TLN2: variants seen among roughly 807,000 people sequenced by gnomAD.
TLN2 encodes the protein talin-2.
In TLN2, 118 loss-of-function variants were observed where a neutral mutation model predicts 294.7. That is an observed-to-expected ratio of 0.40 (90% CI 0.34 to 0.47). TLN2 has a LOEUF of 0.47. Ranked by LOEUF, TLN2 falls within the 20% of genes least tolerant of loss-of-function variation. TLN2 has a pLI of 0.84. For missense variants in TLN2, 3,083 were observed against 3,282.2 expected, an observed-to-expected ratio of 0.94 and a Z score of 1.48; for synonymous variants, 1,431 against 1,304.5, an observed-to-expected ratio of 1.10 and a Z score of -2.09.
intron 1 of TLN2, among the ~76,000 whole-genome samples, chr15:62,512,573 A>G (rs1259167867): frequency 3.3e-5 from 5 of 152,218 alleles, no homozygotes; most frequent in Non-Finnish European, 7.3e-5. Context: ...GCTGAGAGAC[A>G]TGATGTGCTC....
chr15:62,481,704 A>G (rs2038100135), intron 1 of TLN2, among the ~76,000 whole-genome samples: 2 of 152,042 alleles, frequency 1.3e-5, no homozygotes, highest in Non-Finnish European at 2.9e-5. Flanking sequence ...TTGTTTTTAT[A>G]TAATGCATTT....
chr15:62,394,503 T>G (rs2032368539), intron 1 of TLN2, among the ~76,000 whole-genome samples: 1 of 152,216 alleles, frequency 6.6e-6, no homozygotes, highest in East Asian at 1.9e-4. Context: ...CCCCAGAACT[T>G]TTTAATCGTA....
At chr15:62,588,366 C>T (rs775117126) in intron 1 of TLN2, among the ~76,000 whole-genome samples, 4 of 151,580 alleles carry the variant, frequency 2.6e-5, no homozygotes, top group East Asian at 2.0e-4. Flanking sequence ...AAGGGCGCAG[C>T]GGCTCACACG....
At chr15:62,417,275 G>A (rs374638051) in intron 1 of TLN2, among the ~76,000 whole-genome samples, 116 of 152,166 alleles carry the variant, frequency 7.6e-4, no homozygotes, top group African/African-American at 2.6e-3. Context: ...TGCTTCCTTC[G>A]GCATCTTTGT....
At chr15:62,451,582 A>C (rs943096417) in intron 1 of TLN2, among the ~76,000 whole-genome samples, 1 of 152,132 alleles carries the variant, frequency 6.6e-6, no homozygotes, top group African/African-American at 2.4e-5. Flanking sequence ...GCTTAAACCC[A>C]GAGGCGGAGG....
At chr15:62,566,207 A>G (rs8028724) in intron 1 of TLN2, among the ~76,000 whole-genome samples, 36,573 of 151,854 alleles carry the variant, frequency 0.24, 4,753 homozygotes, top group East Asian at 0.53. Flanking sequence ...GGTGCGGGCA[A>G]GAGAGGCCAG....
chr15:62,755,641 A>G lies in TLN2; in HGVS notation c.4586A>G (p.Gln1529Arg), dbSNP rs1164018385. 2 of 1,614,270 alleles carry G rather than the reference A, an allele frequency of 1.2e-6. No individual in the cohort carries two copies. Among genetic ancestry groups the G allele is most frequent in the African/African-American group, 1.3e-5 (1 of 75,076 alleles). Residue 1529 changes from glutamine (Q) to arginine (R), a missense_variant, in exon 37 of 59, where the codon CAG becomes CGG. By Grantham distance (43) the Gln-to-Arg change is conservative (BLOSUM62 1). Transcript: ENST00000636159. ...CCAGTAGCCAAGAGGCACTTCGTCC[A>G]GTCAGCCAAGGAAGTCGCCAACAGC... The part of the protein sequence containing the change: ...ANPVAKRHFV[Q>R]SAKEVANSTA...
rs1470923800 is a variant in TLN2, at chr15:62,842,559, T to C, written c.*1949T>C. The stretch of plus-strand genomic sequence containing the variant: ...CAGCCCACCCCACCCTCTGCTCTTC[T>C]ATGCTGTGCCCAGGGCAGCTGCCCT... On this transcript the variant is annotated 3_prime_UTR_variant, in exon 59 of 59. Transcript: ENST00000636159. The C allele has an allele frequency of 7.0e-6, 1 of 143,542 alleles. No homozygotes were observed. The highest frequency in any genetic ancestry group is 1.5e-5 in the Non-Finnish European group (1 of 65,330). 8.9% of individuals were successfully genotyped at this position (143,542 alleles called of 1,614,324 possible).
At position 62,628,215 on chromosome 15, in the gene TLN2, T is replaced by A. The variant is rs116246816; in HGVS notation, c.-37+9740T>A. ...AAGGTGTGGACTATAATTTTTCTCC[T>A]TTACTAGTAACTCACTGTGTAATTC... is the stretch of plus-strand genomic sequence containing the variant. On this transcript the variant is annotated intron_variant, in intron 3 of 58. Transcript: ENST00000636159. 9.5e-3 allele frequency among the ~76,000 whole-genome samples: 1,451 copies of A among 152,352 alleles called. 22 individuals carry two copies. The highest frequency in any genetic ancestry group is 0.033 in the African/African-American group (1,373 of 41,578).
In TLN2 at chr15:62,450,185, T is replaced by C. The variant is rs142672902; in HGVS notation, c.-238+59500T>C. On this transcript the variant is annotated intron_variant, in intron 1 of 58. Transcript: ENST00000636159. The stretch of plus-strand genomic sequence containing the variant: ...AGAGTCTTCACCTTGTGGCTTTTAC[T>C]CATACTCCTTGCCTGAAACGTTCTT... Among the ~76,000 whole-genome samples, 93 of 152,254 alleles carry C rather than the reference T, an allele frequency of 6.1e-4. No individual in the cohort carries two copies. The East Asian group carries it at 0.015, about 24-fold the overall frequency.
At chr15:62,468,776 AAT>A (rs2037295156) in intron 1 of TLN2, among the ~76,000 whole-genome samples, 3 of 23,344 alleles carry the variant, frequency 1.3e-4, no homozygotes, top group African/African-American at 1.6e-4. Flanking sequence ...AAAATACAAA[AAT>A]AAAAAAAAAA....
In TLN2 at chr15:62,776,817, C is replaced by A; in HGVS notation, c.5421C>A (p.Ala1807=). ...AGGCCGCCCAGTTGATGAAGGAAGC[C>A]GTGGATGACATCATGGTGACGCTGA... The part of the protein sequence containing the change: ...ITEAAQLMKE[A]VDDIMVTLNE... The change falls in exon 43 of 59, where the codon GCC becomes GCA. Residue 1807 remains alanine, a synonymous_variant. Coordinates refer to ENST00000636159, the MANE Select transcript of TLN2 (RefSeq NM_015059.3). The A allele has an allele frequency of 6.3e-7, 1 of 1,598,960 alleles. No individual in the cohort carries two copies. Among genetic ancestry groups the A allele is most frequent in the East Asian group, 2.3e-5 (1 of 43,552 alleles).
chr15:62,588,525 A>C (rs955791139), intron 1 of TLN2, among the ~76,000 whole-genome samples: 1 of 151,358 alleles, frequency 6.6e-6, no homozygotes, highest in African/African-American at 2.4e-5. Context: ...CTAGCTACAC[A>C]GGAGGCTGAA....
In TLN2 at chr15:62,695,298, A is replaced by AGG. The variant is rs955166060; in HGVS notation, c.1292+909_1292+910dup. Among the ~76,000 whole-genome samples the AGG allele has an allele frequency of 1.8e-4, 28 of 152,294 alleles. 1 individual carries two copies. The highest frequency in any genetic ancestry group is 1.6e-3 in the Admixed American group (25 of 15,300). ...CAACTCCCTATGCAAAAGGGAGGCC[A>AGG]GGGGTCTCAGCCAAGGAGCAACGCA... is the stretch of plus-strand genomic sequence containing the variant. On this transcript the variant is annotated intron_variant, in intron 14 of 58. Transcript: ENST00000636159.
At chr15:62,647,034 G>A (rs118014859) in intron 3 of TLN2, among the ~76,000 whole-genome samples, 1,670 of 152,226 alleles carry the variant, frequency 0.011, 15 homozygotes, top group Middle Eastern at 0.041. Context: ...TCCTCCTAAG[G>A]GGTTCTACTT....
intron 1 of TLN2, among the ~76,000 whole-genome samples, chr15:62,528,956 A>C (rs2040883812): frequency 1.3e-5 from 2 of 152,104 alleles, no homozygotes; most frequent in South Asian, 4.1e-4. Context: ...CATCCTTAAA[A>C]CACACATTGC....
At chr15:62,663,298 G>C (rs1263218549) in intron 9 of TLN2, among the ~76,000 whole-genome samples, 1 of 152,028 alleles carries the variant, frequency 6.6e-6, no homozygotes, top group Middle Eastern at 3.2e-3. Flanking sequence ...AAACTTCATG[G>C]CATGCCAGAA....
intron 1 of TLN2, among the ~76,000 whole-genome samples, chr15:62,546,465 G>A (rs1438262149): frequency 2.0e-5 from 3 of 152,066 alleles, no homozygotes; most frequent in Non-Finnish European, 2.9e-5. Flanking sequence ...TTCATTTCTT[G>A]CTCCATAGTT....
intron 1 of TLN2, among the ~76,000 whole-genome samples, chr15:62,480,733 G>C (rs12907734): frequency 0.62 from 94,272 of 152,008 alleles, 29,577 homozygotes; most frequent in African/African-American, 0.67. Context: ...ACTTGGGACT[G>C]TCTTCCCTCA....
Sources: gnomAD v4.1 joint callset for allele counts (sites outside exome capture counted in the v4.1 genomes callset) on GRCh38, gnomAD v4.1.1 for gene constraint, MANE v1.5 for transcripts, NCBI Gene and HGNC (gene_info 2026-07-23, HGNC 2026-07-21) for gene names.